The following TRIM44 variants were observed in gnomAD, a reference collection of about 807,000 sequenced individuals.
TRIM44 encodes the protein tripartite motif-containing protein 44.
A neutral mutation model predicts 37.4 loss-of-function variants in TRIM44; 13 were observed. That is an observed-to-expected ratio of 0.35 (90% CI 0.23 to 0.55). TRIM44 has a LOEUF of 0.55. Among genes scored for constraint, TRIM44 ranks in the 20% least tolerant of loss-of-function variants. The pLI, the probability that TRIM44 is intolerant of heterozygous loss-of-function variation, is 0.89. For missense variants in TRIM44, 426 were observed against 437.2 expected, an observed-to-expected ratio of 0.97 and a Z score of 0.23; for synonymous variants, 175 against 157.2, an observed-to-expected ratio of 1.11 and a Z score of -0.85.
intron 1 of TRIM44, among the ~76,000 whole-genome samples, chr11:35,674,190 G>A (rs916143344): frequency 4.6e-5 from 7 of 151,946 alleles, no homozygotes; most frequent in African/African-American, 1.7e-4. Flanking sequence ...CTGGCTCTGG[G>A]AGAGTTGAAT....
chr11:35,788,858 C>CT (rs1853163377), intron 4 of TRIM44, among the ~76,000 whole-genome samples: 1 of 152,202 alleles, frequency 6.6e-6, no homozygotes, highest in African/African-American at 2.4e-5. Context: ...AGGACATAAG[C>CT]TTTCTCTTTA....
In TRIM44 at chr11:35,809,141, G is replaced by A. The variant is rs111908180; in HGVS notation, c.*2756G>A. On this transcript the variant is annotated 3_prime_UTR_variant, in exon 5 of 5. Coordinates refer to ENST00000299413, the MANE Select transcript of TRIM44 (RefSeq NM_017583.6). Reference sequence around the variant, plus strand: ...AGTCCCAAGAAGTGCTTGGAGTCTCGGCTCTGACAGCCCAAGAAGGGAAAT... The same window carrying A: ...AGTCCCAAGAAGTGCTTGGAGTCTCAGCTCTGACAGCCCAAGAAGGGAAAT... The A allele has an allele frequency of 1.3e-5, 2 of 152,212 alleles. No homozygotes were observed. The highest frequency in any genetic ancestry group is 4.8e-5 in the African/African-American group (2 of 41,534). The allele number at this position is 152,212 out of a possible 1,614,324, so 9.4% of individuals were successfully genotyped here.
chr11:35,682,417 G>C (rs1443709862), intron 1 of TRIM44, among the ~76,000 whole-genome samples: 1 of 152,122 alleles, frequency 6.6e-6, no homozygotes, highest in African/African-American at 2.4e-5. Flanking sequence ...GTGGATTGGG[G>C]CCAGAGTCCT....
Position 35,742,675 on chromosome 11 carries a change from A to G in TRIM44, c.1007+7230A>G, listed in dbSNP as rs570600386. Among the ~76,000 whole-genome samples the G allele has an allele frequency of 2.0e-3, 237 of 120,950 alleles. 8 individuals are homozygous for G. The East Asian group carries it at 0.04, about 20-fold the overall frequency. The allele number at this position is 120,950 out of a possible 152,430, so 79.3% of individuals were successfully genotyped here. A position where few individuals can be genotyped will look rare whatever the true frequency, so the allele number is the denominator to read the frequency against. On this transcript the variant is annotated intron_variant, in intron 4 of 4. Transcript: ENST00000299413. ...TATTATATATAATTATATTAATTGT[A>G]TTATATATAATTATATTAAATATAA...
Position 35,663,414 on chromosome 11 carries a change from GGAGGAAGAGAGCGAGTCA to G in TRIM44, c.319_336del (p.Ser107_Glu112del), listed in dbSNP as rs544332643. ...GCGAGGCAGGGGAAGAGAGTGAGTC[GGAGGAAGAGAGCGAGTCA>G]GAGGAAGAGAGCGAGACAGAGGAAG... On this transcript the variant is annotated inframe_deletion, in exon 1 of 5. Transcript: ENST00000299413. 1.6e-3 allele frequency: 2,566 copies of G among 1,584,018 alleles called. 6 individuals are homozygous for G. Among genetic ancestry groups the G allele is most frequent in the Non-Finnish European group, 1.8e-3 (2,083 of 1,163,732 alleles).
At chr11:35,766,711 T>C (rs183373630) in intron 4 of TRIM44, among the ~76,000 whole-genome samples, 3 of 152,320 alleles carry the variant, frequency 2.0e-5, no homozygotes, top group Admixed American at 2.0e-4. Context: ...TTGGAGTCAC[T>C]GGATTTATTA....
chr11:35,788,267 C>T (rs1461639388), intron 4 of TRIM44, among the ~76,000 whole-genome samples: 1 of 152,124 alleles, frequency 6.6e-6, no homozygotes, highest in Non-Finnish European at 1.5e-5. Context: ...GGCTATTCTA[C>T]CCTGGAGCAA....
intron 4 of TRIM44, among the ~76,000 whole-genome samples, chr11:35,781,224 C>G (rs1032450565): frequency 5.3e-5 from 8 of 152,122 alleles, no homozygotes; most frequent in African/African-American, 1.7e-4. Context: ...CAGACCCCAT[C>G]AGACCACTTC....
At chr11:35,668,192 A>T (rs1370646462) in intron 1 of TRIM44, among the ~76,000 whole-genome samples, 1 of 152,138 alleles carries the variant, frequency 6.6e-6, no homozygotes, top group East Asian at 1.9e-4. Context: ...CTGATCACCA[A>T]CATTTTATTA....
chr11:35,768,681 A>G (rs1414633261), intron 4 of TRIM44, among the ~76,000 whole-genome samples: 1 of 152,198 alleles, frequency 6.6e-6, no homozygotes, highest in Non-Finnish European at 1.5e-5. Context: ...GCTTACAGTT[A>G]ACTGTTTTTC....
At chr11:35,760,478 G>A (rs1565006108) in intron 4 of TRIM44, among the ~76,000 whole-genome samples, 1 of 152,138 alleles carries the variant, frequency 6.6e-6, no homozygotes. Flanking sequence ...TTAAGCTCAT[G>A]CTTGGTGCAC....
chr11:35,678,329 A>G (rs977862717), intron 1 of TRIM44, among the ~76,000 whole-genome samples: 14 of 152,166 alleles, frequency 9.2e-5, no homozygotes, highest in African/African-American at 2.4e-4. Flanking sequence ...ATACATGCCA[A>G]CTGGATATGG....
chr11:35,702,734 T>C (rs1590521674), intron 2 of TRIM44, among the ~76,000 whole-genome samples: 2 of 152,242 alleles, frequency 1.3e-5, no homozygotes, highest in Admixed American at 6.5e-5. Context: ...AACAATCAAG[T>C]GTCATTAATA....
Position 35,744,602 on chromosome 11 carries a change from C to T in TRIM44, c.1007+9157C>T, listed in dbSNP as rs190938642. Among the ~76,000 whole-genome samples the T allele has an allele frequency of 1.9e-3, 282 of 151,914 alleles. 2 individuals carry two copies. The highest frequency in any genetic ancestry group is 6.5e-3 in the African/African-American group (271 of 41,414). On this transcript the variant is annotated intron_variant, in intron 4 of 4. Coordinates refer to ENST00000299413, the MANE Select transcript of TRIM44 (RefSeq NM_017583.6). ...TAAGTTCAGGGGTACATGTGCAGGA[C>T]GTGCAGGTTTGTTACATAGGTAAAC...
At chr11:35,712,756 A>T (rs984375788) in intron 2 of TRIM44, among the ~76,000 whole-genome samples, 10 of 151,806 alleles carry the variant, frequency 6.6e-5, no homozygotes, top group Admixed American at 2.6e-4. Context: ...AGCTGTCAGG[A>T]CTCCCCCATA....
At chr11:35,731,266 A>G (rs923628223) in intron 3 of TRIM44, among the ~76,000 whole-genome samples, 1 of 152,190 alleles carries the variant, frequency 6.6e-6, no homozygotes, top group African/African-American at 2.4e-5. Context: ...TTCTATTCCT[A>G]ATGTGCTGAG....
At chr11:35,806,239 G>A in intron 4 of TRIM44, 119 bp from the exon 5 acceptor site, 2 of 1,085,626 alleles carry the variant, frequency 1.8e-6, no homozygotes, top group Non-Finnish European at 2.8e-6. Flanking sequence ...GCTCAATCAT[G>A]GTAGTTAAGA....
intron 4 of TRIM44, among the ~76,000 whole-genome samples, chr11:35,757,892 A>G (rs1437046463): frequency 6.6e-6 from 1 of 152,076 alleles, no homozygotes; most frequent in Non-Finnish European, 1.5e-5. Flanking sequence ...GTTCTTTTAC[A>G]TTTGCTGAGG....
intron 2 of TRIM44, among the ~76,000 whole-genome samples, chr11:35,720,018 C>G (rs2135512719): frequency 6.6e-6 from 1 of 152,246 alleles, no homozygotes; most frequent in Non-Finnish European, 1.5e-5. Flanking sequence ...GTTGACTGTT[C>G]TAGGTCTTTT....
Sources: gnomAD v4.1 joint callset for allele counts (sites outside exome capture counted in the v4.1 genomes callset) on GRCh38, gnomAD v4.1.1 for gene constraint, MANE v1.5 for transcripts, NCBI Gene and HGNC (gene_info 2026-07-23, HGNC 2026-07-21) for gene names.